NAALADL2: variants seen among roughly 807,000 people sequenced by gnomAD.
The protein encoded by NAALADL2 is N-acetylated alpha-linked acidic dipeptidase like 2, also known as inactive N-acetylated-alpha-linked acidic dipeptidase-like protein 2.
Under a neutral mutation model 87.2 loss-of-function variants are expected in NAALADL2, and 76 were observed. The observed-to-expected ratio is 0.87, with a 90% CI of 0.72 to 1.05. NAALADL2 has a LOEUF of 1.05. Ranked by LOEUF, NAALADL2 falls within the 50% of genes least tolerant of loss-of-function variation. The pLI is 0.00. For missense variants in NAALADL2, 1,089 were observed against 945.8 expected (o/e 1.15, Z -1.99); for synonymous variants, 354 against 331.0 (o/e 1.07, Z -0.75).
intron 9 of NAALADL2, among the ~76,000 whole-genome samples, chr3:175,484,387 T>C (rs1037774970): frequency 1.3e-5 from 2 of 152,090 alleles, no homozygotes; most frequent in Admixed American, 1.3e-4. Context: ...CAAGATACCT[T>C]TTAATCATTA....
chr3:175,046,599 A>G (rs549846479), intron 1 of NAALADL2, among the ~76,000 whole-genome samples: 14 of 152,314 alleles, frequency 9.2e-5, no homozygotes, highest in South Asian at 4.1e-4. Context: ...AAGACCTCCA[A>G]CAATCTGTTG....
At chr3:175,457,233 G>T (rs893062839) in intron 6 of NAALADL2, among the ~76,000 whole-genome samples, 2 of 151,960 alleles carry the variant, frequency 1.3e-5, no homozygotes, top group Non-Finnish European at 1.5e-5. Context: ...CTCTACTCAG[G>T]CTCTAACAAG....
chr3:174,882,619 G>GCA (rs1560318576), intron 1 of NAALADL2, among the ~76,000 whole-genome samples: 10 of 114,570 alleles, frequency 8.7e-5, no homozygotes, highest in African/African-American at 4.1e-4. Context: ...ATGTGCATAT[G>GCA]CATATATGTG....
At chr3:175,285,915 T>C (rs148737687) in intron 4 of NAALADL2, among the ~76,000 whole-genome samples, 2 of 152,294 alleles carry the variant, frequency 1.3e-5, no homozygotes, top group Admixed American at 1.3e-4. Context: ...TATGTATTCA[T>C]AAAATATATT....
intron 2 of NAALADL2, among the ~76,000 whole-genome samples, chr3:175,196,055 T>C (rs1738948866): frequency 6.6e-6 from 1 of 151,918 alleles, no homozygotes; most frequent in African/African-American, 2.4e-5. Flanking sequence ...TTAAATAAAC[T>C]TTAAAAGATT....
intron 2 of NAALADL2, among the ~76,000 whole-genome samples, chr3:174,568,257 C>A (rs2108527715): frequency 6.6e-6 from 1 of 151,780 alleles, no homozygotes; most frequent in Non-Finnish European, 1.5e-5. Flanking sequence ...TGAATACATA[C>A]TTTGTAAAGA....
intron 1 of NAALADL2, among the ~76,000 whole-genome samples, chr3:174,884,657 AC>A (rs1192950149): frequency 6.6e-6 from 1 of 152,166 alleles, no homozygotes; most frequent in East Asian, 1.9e-4. Context: ...CAGAGTCCCT[AC>A]TTAGTGGGCC....
At chr3:175,437,984 T>G (rs1057467416) in intron 5 of NAALADL2, among the ~76,000 whole-genome samples, 1 of 152,046 alleles carries the variant, frequency 6.6e-6, no homozygotes, top group Non-Finnish European at 1.5e-5. Flanking sequence ...GGTGGACCAA[T>G]GAAATGAGAA....
intron 1 of NAALADL2, among the ~76,000 whole-genome samples, chr3:175,070,322 TGTG>T (rs912892949): frequency 1.2e-4 from 18 of 150,938 alleles, no homozygotes; most frequent in Non-Finnish European, 1.8e-4. Flanking sequence ...TATTAGACCT[TGTG>T]GTGATTCGGT....
chr3:175,182,586 T>C (rs1354604935), intron 2 of NAALADL2, among the ~76,000 whole-genome samples: 1 of 72,928 alleles, frequency 1.4e-5, no homozygotes, highest in African/African-American at 4.4e-5. Flanking sequence ...TTTGTAGAGA[T>C]GTGGTCTTGC....
intron 9 of NAALADL2, among the ~76,000 whole-genome samples, chr3:175,536,981 C>A (rs959080825): frequency 5.4e-5 from 8 of 147,916 alleles, no homozygotes; most frequent in African/African-American, 7.5e-5. Flanking sequence ...GACTCCGTCT[C>A]AAAAAAAAAA....
intron 3 of NAALADL2, among the ~76,000 whole-genome samples, chr3:174,802,533 G>T (rs1560238849): frequency 6.6e-6 from 1 of 152,098 alleles, no homozygotes; most frequent in African/African-American, 2.4e-5. Context: ...TGCACAATGT[G>T]CAAGTTTGTT....
At chr3:175,416,792 G>C (rs944295628) in intron 5 of NAALADL2, among the ~76,000 whole-genome samples, 1 of 151,956 alleles carries the variant, frequency 6.6e-6, no homozygotes, top group African/African-American at 2.4e-5. Flanking sequence ...AAGTGAGAAA[G>C]TATTAACTGA....
At chr3:175,400,846 C>G (rs61697972) in intron 5 of NAALADL2, among the ~76,000 whole-genome samples, 2 of 152,080 alleles carry the variant, frequency 1.3e-5, no homozygotes, top group Non-Finnish European at 2.9e-5. Flanking sequence ...TGTCTCCCAA[C>G]AGAACTCTCC....
intron 3 of NAALADL2, among the ~76,000 whole-genome samples, chr3:174,846,594 G>GT (rs1256089210): frequency 2.0e-5 from 3 of 152,010 alleles, no homozygotes; most frequent in African/African-American, 7.2e-5. Flanking sequence ...AGGCCTCAAT[G>GT]TTTTTTTGAC....
intron 5 of NAALADL2, among the ~76,000 whole-genome samples, chr3:175,348,480 C>G (rs1299541051): frequency 2.0e-5 from 3 of 152,152 alleles, no homozygotes; most frequent in Admixed American, 6.5e-5. Flanking sequence ...AAAGTGTTCT[C>G]TCACAGTTCT....
Position 175,542,671 on chromosome 3 carries a change from A to G in NAALADL2, c.1654-33370A>G, listed in dbSNP as rs555151384. On this transcript the variant is annotated intron_variant, in intron 9 of 13. Transcript: ENST00000454872. ...CACTGCACCCGGCCTTGTATTTTCA[A>G]TTTGACTTTGATTGCAGAGGCAGAA... Among the ~76,000 whole-genome samples, 158 of 152,208 alleles carry G rather than the reference A, an allele frequency of 1.0e-3. 1 individual carries two copies. The highest frequency in any genetic ancestry group is 1.5e-3 in the Non-Finnish European group (105 of 68,014).
chr3:175,528,616 G>A (rs921886710), intron 9 of NAALADL2, among the ~76,000 whole-genome samples: 1 of 152,084 alleles, frequency 6.6e-6, no homozygotes. Flanking sequence ...AACATCTCCT[G>A]AGATCATACA....
chr3:174,799,655 A>C (rs1056856479), intron 3 of NAALADL2, among the ~76,000 whole-genome samples: 5 of 152,120 alleles, frequency 3.3e-5, no homozygotes, highest in Non-Finnish European at 7.4e-5. Context: ...AGTAAATTCT[A>C]CCAGAAGTGG....
Sources: allele counts gnomAD v4.1 joint callset (sites outside exome capture counted in the v4.1 genomes callset), GRCh38; gene constraint gnomAD v4.1.1; transcripts MANE v1.5; gene names NCBI Gene and HGNC (gene_info 2026-07-23, HGNC 2026-07-21).